Variants in SLC10A2 observed in about 807,000 individuals in gnomAD.
The protein encoded by SLC10A2 is solute carrier family 10 member 2.
A neutral mutation model predicts 27.1 loss-of-function variants in SLC10A2; 34 were observed. The observed-to-expected ratio is 1.26, with a 90% CI of 0.96 to 1.67. The LOEUF (loss-of-function observed/expected upper bound fraction) is 1.67, where lower values mean the gene tolerates loss of function less well. Among genes scored for constraint, SLC10A2 ranks in the 40% most tolerant of loss-of-function variants. The probability of loss-of-function intolerance (pLI) is 0.00; values close to 1 mark genes in which losing one functional copy is unlikely to be tolerated. For missense variants in SLC10A2, 530 were observed against 444.4 expected (o/e 1.19, Z -1.73); for synonymous variants, 205 against 174.0 (o/e 1.18, Z -1.40).
At position 103,057,878 on chromosome 13, in the gene SLC10A2, C is replaced by CA. The variant is rs778879030; in HGVS notation, c.496+385dup. Among the ~76,000 whole-genome samples the CA allele has an allele frequency of 5.5e-3, 772 of 139,924 alleles. 3 individuals carry two copies. Among genetic ancestry groups the CA allele is most frequent in the African/African-American group, 8.8e-3 (334 of 37,872 alleles). The allele number at this position is 139,924 out of a possible 152,430, so 91.8% of individuals were successfully genotyped here. A position where few individuals can be genotyped will look rare whatever the true frequency, so the allele number is the denominator to read the frequency against. On this transcript the variant is annotated intron_variant, in intron 2 of 5. Transcript: ENST00000245312. ...TGGGTGGCAGAGTGAGACTCCATCT[C>CA]AAAAAAAAAAAAAATTTCTTCAATT...
At chr13:103,056,521 G>A (rs1253440270) in intron 2 of SLC10A2, among the ~76,000 whole-genome samples, 3 of 152,068 alleles carry the variant, frequency 2.0e-5, no homozygotes, top group Non-Finnish European at 4.4e-5. Context: ...TATATCAAAA[G>A]GAGAATATTT....
chr13:103,060,409 G>A (rs1237389660), intron 1 of SLC10A2, among the ~76,000 whole-genome samples: 2 of 142,178 alleles, frequency 1.4e-5, no homozygotes, highest in Admixed American at 1.4e-4. Context: ...TTTTTAAATA[G>A]GGTCTCTCTC....
At chr13:103,060,573 A>T (rs1876086714) in intron 1 of SLC10A2, among the ~76,000 whole-genome samples, 1 of 151,852 alleles carries the variant, frequency 6.6e-6, no homozygotes, top group South Asian at 2.1e-4. Context: ...ATGGGGTTTC[A>T]CCATGTTGTC....
chr13:103,064,486 T>C (rs749408933), intron 1 of SLC10A2, among the ~76,000 whole-genome samples: 6 of 152,154 alleles, frequency 3.9e-5, no homozygotes, highest in Non-Finnish European at 7.4e-5. Flanking sequence ...TGGTATTACA[T>C]TGAGGTACAA....
chr13:103,051,608 C>T (rs1387921490), intron 3 of SLC10A2, among the ~76,000 whole-genome samples, 176 bp from the exon 4 acceptor site: 1 of 152,222 alleles, frequency 6.6e-6, no homozygotes, highest in African/African-American at 2.4e-5. Flanking sequence ...AATACTGACG[C>T]TTGTCCCATG....
intron 2 of SLC10A2, among the ~76,000 whole-genome samples, chr13:103,056,809 GC>G (rs1875952061): frequency 1.3e-5 from 2 of 151,562 alleles, no homozygotes; most frequent in African/African-American, 4.8e-5. Context: ...TATATCAAAA[GC>G]CCATACTGAA....
chr13:103,046,798 T>C (rs963895873), intron 5 of SLC10A2, among the ~76,000 whole-genome samples: 1 of 152,150 alleles, frequency 6.6e-6, no homozygotes. Flanking sequence ...ATAGCAAGCA[T>C]TTCTCAGCTT....
chr13:103,051,173 G>A, intron 4 of SLC10A2, 84 bp downstream of exon 4: 1 of 1,386,826 alleles, frequency 7.2e-7, no homozygotes, highest in Non-Finnish European at 1.0e-6. Context: ...TCAGTTTGTG[G>A]TTCTGTCTTA....
At chr13:103,046,873 A>G (rs1400238370) in intron 5 of SLC10A2, among the ~76,000 whole-genome samples, 1 of 152,200 alleles carries the variant, frequency 6.6e-6, no homozygotes, top group Non-Finnish European at 1.5e-5. Context: ...GTGTCTATGC[A>G]TGTGTGAGTA....
intron 1 of SLC10A2, among the ~76,000 whole-genome samples, chr13:103,062,681 A>T (rs559050231): frequency 5.3e-5 from 8 of 152,156 alleles, no homozygotes; most frequent in African/African-American, 1.9e-4. Flanking sequence ...GATTTCTTGA[A>T]TATCTAAAAT....
In SLC10A2 at chr13:103,066,092, A is replaced by G; in HGVS notation, c.158T>C (p.Val53Ala). 6.2e-7 allele frequency: 1 copy of G among 1,614,000 alleles called. No individual in the cohort carries two copies. Among genetic ancestry groups the G allele is most frequent in the Non-Finnish European group, 8.5e-7 (1 of 1,179,898 alleles). ...GTGCCCTAGAAATTTCTTGATTTCC[A>G]CGTTGCATCCCATGGAGAACATCAC... ...ALVMFSMGCN[V>A]EIKKFLGHIK... is the part of the protein sequence containing the mutation. Residue 53 changes from valine (V) to alanine (A), a missense_variant, in exon 1 of 6, where the codon GTG becomes GCG. Physicochemically the swap from Val to Ala is moderately conservative, Grantham distance 64. Coordinates refer to ENST00000245312, the MANE Select transcript of SLC10A2 (RefSeq NM_000452.3).
chr13:103,059,969 T>G (rs1876057745), intron 1 of SLC10A2, among the ~76,000 whole-genome samples: 1 of 152,192 alleles, frequency 6.6e-6, no homozygotes, highest in Non-Finnish European at 1.5e-5. Context: ...TTGGCAAATG[T>G]GTGTTCAGAA....
At chr13:103,064,551 C>G (rs1228938698) in intron 1 of SLC10A2, among the ~76,000 whole-genome samples, 1 of 152,152 alleles carries the variant, frequency 6.6e-6, no homozygotes, top group African/African-American at 2.4e-5. Context: ...TATTGGGGGT[C>G]AAGGCCCAAT....
At chr13:103,054,153 G>T (rs905172854) in intron 2 of SLC10A2, among the ~76,000 whole-genome samples, 2 of 152,082 alleles carry the variant, frequency 1.3e-5, no homozygotes, top group African/African-American at 4.8e-5. Flanking sequence ...TCTTGTGATA[G>T]TGAGTTCTCA....
intron 1 of SLC10A2, among the ~76,000 whole-genome samples, chr13:103,064,185 G>T (rs1370979692): frequency 6.6e-6 from 1 of 152,072 alleles, no homozygotes; most frequent in Non-Finnish European, 1.5e-5. Context: ...TTGCTGGAAG[G>T]ATTCATTTGC....
chr13:103,062,957 A>G (rs1876167819), intron 1 of SLC10A2, among the ~76,000 whole-genome samples: 1 of 152,068 alleles, frequency 6.6e-6, no homozygotes, highest in Non-Finnish European at 1.5e-5. Context: ...GTCTGGGGAG[A>G]GAGCAGACAA....
In SLC10A2 at chr13:103,044,399, A is replaced by C. The variant is rs1452148607; in HGVS notation, c.*1734T>G. On this transcript the variant is annotated 3_prime_UTR_variant, in exon 6 of 6. Transcript: ENST00000245312. ...AGGAGGTACTTAGCCGCTAGACTGT[A>C]AATCTTCCTTTCCACCATTGGGAGC... is the stretch of plus-strand genomic sequence containing the variant. The C allele has an allele frequency of 2.0e-5, 3 of 152,158 alleles. No homozygotes were observed. The highest frequency in any genetic ancestry group is 7.2e-5 in the African/African-American group (3 of 41,440). 9.4% of individuals were successfully genotyped at this position (152,158 alleles called of 1,614,324 possible).
chr13:103,052,890 C>T (rs1461506562), intron 2 of SLC10A2, among the ~76,000 whole-genome samples, 182 bp from the exon 3 acceptor site: 1 of 152,070 alleles, frequency 6.6e-6, no homozygotes, highest in Non-Finnish European at 1.5e-5. Flanking sequence ...AACTTCTTCA[C>T]CCACTCCAGT....
chr13:103,066,387 G>A lies in SLC10A2; in HGVS notation c.-138C>T, dbSNP rs200934683. Reference sequence around the variant, plus strand: ...ACCCCTCCTAAAAATATGTCACTTGGTGTCTCTTTTGAAAGCCACCTTAGG... The same window carrying A: ...ACCCCTCCTAAAAATATGTCACTTGATGTCTCTTTTGAAAGCCACCTTAGG... On this transcript the variant is annotated 5_prime_UTR_variant, in exon 1 of 6. Coordinates refer to ENST00000245312, the MANE Select transcript of SLC10A2 (RefSeq NM_000452.3). 6.5e-6 allele frequency: 6 copies of A among 923,260 alleles called. No individual in the cohort carries two copies. The African/African-American group carries it at 6.6e-5, about 10-fold the overall frequency. The allele number at this position is 923,260 out of a possible 1,614,324, so 57.2% of individuals were successfully genotyped here.
Sources: gnomAD v4.1 joint callset for allele counts (sites outside exome capture counted in the v4.1 genomes callset) on GRCh38, gnomAD v4.1.1 for gene constraint, MANE v1.5 for transcripts, NCBI Gene and HGNC (gene_info 2026-07-23, HGNC 2026-07-21) for gene names.